PDE7B: variants seen among roughly 807,000 people sequenced by gnomAD.
PDE7B encodes the protein phosphodiesterase 7B.
PDE7B carries 29 observed loss-of-function variants against 56.2 expected under a neutral mutation model. The ratio of observed to expected loss-of-function variants is 0.52; its 90% CI spans 0.38 to 0.70. The LOEUF (loss-of-function observed/expected upper bound fraction) is 0.70. PDE7B is among the 30% of genes least tolerant of loss of function. The pLI is 0.00. For missense variants in PDE7B, 490 were observed against 565.0 expected, an observed-to-expected ratio of 0.87 and a Z score of 1.35; for synonymous variants, 197 against 196.9, an observed-to-expected ratio of 1.00 and a Z score of 0.00.
chr6:136,175,509 A>ATAG (rs1778963327), intron 9 of PDE7B, among the ~76,000 whole-genome samples: 1 of 152,166 alleles, frequency 6.6e-6, no homozygotes, highest in Non-Finnish European at 1.5e-5. Context: ...CCATCCAGGT[A>ATAG]TAGTTCATGT....
At chr6:136,172,101 T>G (rs1287088757) in intron 8 of PDE7B, among the ~76,000 whole-genome samples, 8 of 152,174 alleles carry the variant, frequency 5.3e-5, no homozygotes, top group Non-Finnish European at 1.2e-4. Context: ...TAAACATACG[T>G]GTGCATGTGT....
At chr6:136,141,829 G>T (rs1778332307) in intron 3 of PDE7B, among the ~76,000 whole-genome samples, 2 of 151,926 alleles carry the variant, frequency 1.3e-5, no homozygotes, top group Non-Finnish European at 2.9e-5. Flanking sequence ...ATCATTTTTT[G>T]ATTGCGTCTA....
At chr6:136,169,672 G>A (rs1477033458) in intron 8 of PDE7B, among the ~76,000 whole-genome samples, 4 of 152,136 alleles carry the variant, frequency 2.6e-5, no homozygotes, top group African/African-American at 9.7e-5. Flanking sequence ...AAGTGAACAC[G>A]TGAGCGACTG....
chr6:136,048,456 G>A (rs1776560013), intron 2 of PDE7B, among the ~76,000 whole-genome samples: 1 of 152,110 alleles, frequency 6.6e-6, no homozygotes, highest in Admixed American at 6.6e-5. Context: ...GGAGGTAGAG[G>A]TTGCAGTGAG....
In PDE7B at chr6:135,973,846, G is replaced by A. The variant is rs74704120; in HGVS notation, c.82+26322G>A. Among the ~76,000 whole-genome samples the A allele has an allele frequency of 2.0e-5, 3 of 152,218 alleles. No individual in the cohort carries two copies. The East Asian group carries it at 5.8e-4, about 29-fold the overall frequency. ...TTTGTTAGAAGATGCCCATTTGAACGGTAACACTTTAGTTGGCCAGTAGAG... is the reference window on the plus strand; with the variant it reads ...TTTGTTAGAAGATGCCCATTTGAACAGTAACACTTTAGTTGGCCAGTAGAG... On this transcript the variant is annotated intron_variant, in intron 2 of 12. Coordinates refer to ENST00000308191, the MANE Select transcript of PDE7B (RefSeq NM_018945.4).
chr6:135,981,533 A>T (rs1477054472), intron 2 of PDE7B, among the ~76,000 whole-genome samples: 8 of 150,712 alleles, frequency 5.3e-5, no homozygotes, highest in Non-Finnish European at 8.9e-5. Context: ...ACTACTTTTC[A>T]ATTTCAAAAA....
intron 1 of PDE7B, among the ~76,000 whole-genome samples, chr6:135,898,838 AAC>A (rs1315174387): frequency 1.3e-5 from 2 of 152,126 alleles, no homozygotes; most frequent in African/African-American, 4.8e-5. Flanking sequence ...CTAGAAGTAA[AAC>A]TCTAGTGGCA....
chr6:136,183,330 A>G (rs1779096757), intron 11 of PDE7B, among the ~76,000 whole-genome samples: 1 of 151,984 alleles, frequency 6.6e-6, no homozygotes. Context: ...ATGGTGGCTC[A>G]CGCCTGTAAT....
intron 2 of PDE7B, among the ~76,000 whole-genome samples, chr6:136,060,926 G>T (rs978636600): frequency 6.6e-6 from 1 of 152,126 alleles, no homozygotes; most frequent in South Asian, 2.1e-4. Context: ...CTCAGTGAAG[G>T]CATCAGTAGG....
At position 136,039,901 on chromosome 6, in the gene PDE7B, T is replaced by C. The variant is rs201925543; in HGVS notation, c.83-68830T>C. On this transcript the variant is annotated intron_variant, in intron 2 of 12. Transcript: ENST00000308191. ...GCACTTTAGGTTTGTTTCAGTCAAT[T>C]AAATGATTAAAATTCATATTACAAA... Among the ~76,000 whole-genome samples, 15 of 152,366 alleles carry C rather than the reference T, an allele frequency of 9.8e-5. No homozygotes were observed. The East Asian group carries it at 2.9e-3, about 29-fold the overall frequency.
intron 1 of PDE7B, among the ~76,000 whole-genome samples, chr6:135,921,316 A>G (rs1055218603): frequency 1.3e-5 from 2 of 152,176 alleles, no homozygotes; most frequent in South Asian, 2.1e-4. Context: ...TGTAGAGTTC[A>G]AAAGTGGTGG....
chr6:135,881,850 TAC>T (rs1248297008), intron 1 of PDE7B, among the ~76,000 whole-genome samples: 3 of 152,206 alleles, frequency 2.0e-5, no homozygotes, highest in African/African-American at 7.2e-5. Flanking sequence ...GAAATAACTG[TAC>T]AATTATATTT....
intron 8 of PDE7B, 35 bp downstream of exon 8, chr6:136,155,793 G>C (rs1778593486): frequency 1.2e-6 from 2 of 1,610,162 alleles, no homozygotes; most frequent in Non-Finnish European, 1.7e-6. Context: ...GCCACAGTAT[G>C]GTCAATCGCC....
chr6:136,081,281 G>A (rs1018707297), intron 2 of PDE7B, among the ~76,000 whole-genome samples: 2 of 152,098 alleles, frequency 1.3e-5, no homozygotes, highest in African/African-American at 2.4e-5. Context: ...AGTGCCTCGG[G>A]GAGAAACTAG....
chr6:136,079,518 A>T (rs1777173781), intron 2 of PDE7B, among the ~76,000 whole-genome samples: 1 of 152,186 alleles, frequency 6.6e-6, no homozygotes, highest in Admixed American at 6.5e-5. Context: ...GAATGGTTTC[A>T]TCATCACAGA....
Position 136,120,325 on chromosome 6 carries a change from A to G in PDE7B, c.166+11511A>G, listed in dbSNP as rs534136725. Among the ~76,000 whole-genome samples, 5 of 152,286 alleles carry G rather than the reference A, an allele frequency of 3.3e-5. No homozygotes were observed. The South Asian group carries it at 1.0e-3, about 32-fold the overall frequency. On this transcript the variant is annotated intron_variant, in intron 3 of 12. Coordinates refer to ENST00000308191, the MANE Select transcript of PDE7B (RefSeq NM_018945.4). The stretch of plus-strand genomic sequence containing the variant: ...CTTTCCAACATGTGGTTGTTAATAA[A>G]TTGGTAGAGAGACTGATGGCTGGAA...
chr6:135,959,367 C>T (rs185011316), intron 2 of PDE7B, among the ~76,000 whole-genome samples: 9 of 151,906 alleles, frequency 5.9e-5, no homozygotes, highest in East Asian at 3.9e-4. Context: ...AAATTTATGT[C>T]GAAATGTAAA....
At chr6:136,099,396 T>C (rs969005672) in intron 2 of PDE7B, among the ~76,000 whole-genome samples, 5 of 152,208 alleles carry the variant, frequency 3.3e-5, no homozygotes, top group African/African-American at 9.6e-5. Flanking sequence ...CCACCAACAG[T>C]GTAAAAGCAT....
intron 1 of PDE7B, among the ~76,000 whole-genome samples, chr6:135,858,005 T>C (rs1159876612): frequency 6.6e-6 from 1 of 152,156 alleles, no homozygotes; most frequent in Non-Finnish European, 1.5e-5. Flanking sequence ...AACTTTCCCC[T>C]CCATAAATGC....
Sources: gnomAD v4.1 joint callset for allele counts (sites outside exome capture counted in the v4.1 genomes callset) on GRCh38, gnomAD v4.1.1 for gene constraint, MANE v1.5 for transcripts, NCBI Gene and HGNC (gene_info 2026-07-23, HGNC 2026-07-21) for gene names.